Variants in ARHGEF9 observed in about 807,000 individuals in gnomAD.
ARHGEF9 encodes rho guanine nucleotide exchange factor 9.
ARHGEF9 carries 2 observed loss-of-function variants against 41.3 expected under a neutral mutation model. The ratio of observed to expected loss-of-function variants is 0.05; its 90% confidence interval spans 0.02 to 0.15. The LOEUF is 0.15. Ranked by LOEUF, ARHGEF9 falls within the 10% of genes least tolerant of loss-of-function variation. The pLI is 1.00. For missense variants in ARHGEF9, 225 were observed against 424.7 expected (o/e 0.53, Z 4.13); for synonymous variants, 160 against 154.4 (o/e 1.04, Z -0.27).
chrX:63,783,484 G>A (rs375981179), intron 1 of ARHGEF9, among the ~76,000 whole-genome samples: 1 of 111,082 alleles, frequency 9.0e-6, no homozygotes, highest in South Asian at 3.8e-4. Flanking sequence ...TTGAGCTCCC[G>A]ACCTCAGATG....
At chrX:63,768,270 G>C (rs2056146474) in intron 1 of ARHGEF9, among the ~76,000 whole-genome samples, 1 of 111,805 alleles carries the variant, frequency 8.9e-6, no homozygotes, top group South Asian at 3.7e-4. Context: ...CTTGTAATAA[G>C]AGCCTCTAGC....
chrX:63,661,732 T>C (rs1229405501), intron 7 of ARHGEF9, among the ~76,000 whole-genome samples: 2 of 110,683 alleles, frequency 1.8e-5, no homozygotes, highest in Non-Finnish European at 3.8e-5. Flanking sequence ...CCTTCACACA[T>C]GCCCACGTAC....
intron 4 of ARHGEF9, among the ~76,000 whole-genome samples, chrX:63,683,497 A>G (rs2050784771): frequency 8.9e-6 from 1 of 111,767 alleles, no homozygotes; most frequent in Non-Finnish European, 1.9e-5. Flanking sequence ...AGACAAAAAC[A>G]TATATAAAAT....
intron 1 of ARHGEF9, among the ~76,000 whole-genome samples, chrX:63,726,292 C>T (rs1556416964): frequency 1.8e-5 from 2 of 112,573 alleles, no homozygotes; most frequent in Non-Finnish European, 3.8e-5. Flanking sequence ...ATCACTTGAT[C>T]CTTACGGAAT....
At chrX:63,655,854 TG>T in intron 7 of ARHGEF9, 117 bp from the exon 8 acceptor site, 1 of 978,521 alleles carries the variant, frequency 1.0e-6, no homozygotes, top group Non-Finnish European at 1.4e-6. Context: ...CAATGGGGGT[TG>T]GTTTGTTCTA....
chrX:63,690,627 C>T (rs1298597012), intron 4 of ARHGEF9, among the ~76,000 whole-genome samples: 3 of 111,585 alleles, frequency 2.7e-5, no homozygotes, highest in African/African-American at 9.8e-5. Context: ...ACTTCAAACT[C>T]ATTCTATGAG....
intron 4 of ARHGEF9, among the ~76,000 whole-genome samples, chrX:63,692,693 G>A (rs1246546490): frequency 8.9e-6 from 1 of 111,817 alleles, no homozygotes; most frequent in Non-Finnish European, 1.9e-5. Context: ...CAATCCCACT[G>A]CTGGGTATAT....
intron 2 of ARHGEF9, among the ~76,000 whole-genome samples, chrX:63,712,296 A>G (rs1456420809): frequency 8.9e-6 from 1 of 112,213 alleles, no homozygotes; most frequent in Non-Finnish European, 1.9e-5. Context: ...AAATAAAAAC[A>G]CATGCTCACA....
intron 1 of ARHGEF9, among the ~76,000 whole-genome samples, chrX:63,772,718 T>G (rs1230460000): frequency 1.8e-5 from 2 of 111,029 alleles, no homozygotes; most frequent in East Asian, 5.7e-4. Flanking sequence ...AATGCATACT[T>G]TCCTAGGGCT....
At chrX:63,689,140 AACATTG>A (rs1482424321) in intron 4 of ARHGEF9, among the ~76,000 whole-genome samples, 2 of 111,793 alleles carry the variant, frequency 1.8e-5, no homozygotes, top group Non-Finnish European at 3.8e-5. Context: ...TTTCAAAAAT[AACATTG>A]AATGTAAATG....
At position 63,638,129 on chromosome X, in the gene ARHGEF9, C is replaced by A; in HGVS notation, c.1471G>T (p.Asp491Tyr). Residue 491 changes from aspartate (D) to tyrosine (Y), a missense_variant, in exon 10 of 10, where the codon GAC becomes TAC. Around this residue, in one of 3 missense-constraint regions of ARHGEF9, gnomAD observed 75 missense variants for 113.2 expected, o/e 0.66. Coordinates refer to ENST00000671741, the MANE Select transcript of ARHGEF9 (RefSeq NM_001353921.2). ...AAGACCTGCGACTGAGCGATGCCGT[C>A]GGGGACCAGGTACTGGCCGTGGTTT... Reference protein sequence around the residue: ...PLNHGQYLVPDGIAQSQVFEF... With the variant: ...PLNHGQYLVPYGIAQSQVFEF... 2 of 1,206,556 alleles carry A rather than the reference C, an allele frequency of 1.7e-6. No individual in the cohort carries two copies. The highest frequency in any genetic ancestry group is 2.2e-6 in the Non-Finnish European group (2 of 893,161).
intron 2 of ARHGEF9, among the ~76,000 whole-genome samples, chrX:63,707,137 G>A (rs782178815): frequency 9.0e-5 from 10 of 111,253 alleles, no homozygotes; most frequent in East Asian, 8.6e-4. Context: ...ATCCCAAGTC[G>A]CACAGGAAGC....
chrX:63,751,526 C>T (rs1453461620), intron 1 of ARHGEF9, among the ~76,000 whole-genome samples: 2 of 111,732 alleles, frequency 1.8e-5, no homozygotes, highest in Non-Finnish European at 3.8e-5. Flanking sequence ...TCTCAAATTC[C>T]CTTCTGGTTG....
chrX:63,663,936 G>A (rs1556344491), intron 7 of ARHGEF9, among the ~76,000 whole-genome samples: 1 of 112,167 alleles, frequency 8.9e-6, no homozygotes, highest in East Asian at 2.8e-4. Flanking sequence ...GAACACCCAG[G>A]TATATGGAGT....
chrX:63,774,239 C>T (rs1448681158), intron 1 of ARHGEF9, among the ~76,000 whole-genome samples: 4 of 111,403 alleles, frequency 3.6e-5, no homozygotes, highest in African/African-American at 1.3e-4. Context: ...GTGACAGCTG[C>T]TGGTGGAGGC....
intron 1 of ARHGEF9, among the ~76,000 whole-genome samples, chrX:63,774,853 C>A (rs2056265515): frequency 8.9e-6 from 1 of 111,894 alleles, no homozygotes; most frequent in African/African-American, 3.2e-5. Context: ...AGCTTCTGCA[C>A]AGCAAAAGAA....
intron 6 of ARHGEF9, among the ~76,000 whole-genome samples, chrX:63,669,126 G>A (rs782159867): frequency 8.9e-6 from 1 of 112,330 alleles, no homozygotes; most frequent in Admixed American, 9.4e-5. Flanking sequence ...CTGTTTGAGA[G>A]CGTCAAATGA....
chrX:63,710,638 TA>T (rs781847925), intron 2 of ARHGEF9, among the ~76,000 whole-genome samples: 40 of 107,516 alleles, frequency 3.7e-4, no homozygotes, highest in Non-Finnish European at 4.9e-4. Context: ...CTTTCATGAT[TA>T]AAAAAAAAAT....
At chrX:63,731,210 C>T (rs782357271) in intron 1 of ARHGEF9, among the ~76,000 whole-genome samples, 144 of 111,765 alleles carry the variant, frequency 1.3e-3, no homozygotes, top group African/African-American at 1.7e-3. Flanking sequence ...GGTGTCTGCC[C>T]GTATCCTCTC....
Sources: allele counts gnomAD v4.1 joint callset (sites outside exome capture counted in the v4.1 genomes callset), GRCh38; gene constraint gnomAD v4.1.1; regional missense constraint gnomAD v4.1.1; transcripts MANE v1.5; gene names NCBI Gene and HGNC (gene_info 2026-07-23, HGNC 2026-07-21).